Variants in HECW1 observed in about 807,000 individuals in gnomAD.
The protein encoded by HECW1 is E3 ubiquitin-protein ligase HECW1.
In HECW1, 61 loss-of-function variants were observed where a neutral mutation model predicts 182.3. That is an observed-to-expected ratio of 0.33 (90% CI 0.27 to 0.41). The LOEUF is 0.41. Ranked by LOEUF, HECW1 falls within the 10% of genes least tolerant of loss-of-function variation. HECW1 has a pLI of 1.00. For missense variants in HECW1, 1,739 were observed against 2,108.9 expected (o/e 0.82, Z 3.44); for synonymous variants, 859 against 832.6 (o/e 1.03, Z -0.55).
intron 8 of HECW1, among the ~76,000 whole-genome samples, chr7:43,419,940 G>T (rs149318980): frequency 0.013 from 1,913 of 152,262 alleles, 43 homozygotes; most frequent in African/African-American, 0.043. Context: ...TTCTGTATTT[G>T]TCCCGATTGG....
chr7:43,247,338 C>T (rs972209526), intron 3 of HECW1, among the ~76,000 whole-genome samples: 3 of 152,174 alleles, frequency 2.0e-5, no homozygotes, highest in African/African-American at 7.2e-5. Context: ...GGGATCATAA[C>T]AACTTCTCAT....
At chr7:43,419,565 A>G (rs1306758346) in intron 8 of HECW1, among the ~76,000 whole-genome samples, 1 of 152,226 alleles carries the variant, frequency 6.6e-6, no homozygotes, top group African/African-American at 2.4e-5. Flanking sequence ...ACATAAAAAT[A>G]AATTAATGTA....
chr7:43,231,409 A>ACCATTAAAATCATGTT (rs1421356443), intron 2 of HECW1, among the ~76,000 whole-genome samples: 2 of 152,338 alleles, frequency 1.3e-5, no homozygotes, highest in African/African-American at 4.8e-5. Context: ...TCAGTGTGCT[A>ACCATTAAAATCATGTT]CCATTAAAAT....
chr7:43,140,549 A>G (rs1788050083), intron 2 of HECW1, among the ~76,000 whole-genome samples: 1 of 152,176 alleles, frequency 6.6e-6, no homozygotes, highest in African/African-American at 2.4e-5. Context: ...TCCCTCATTT[A>G]TCTTCTTTTG....
intron 2 of HECW1, among the ~76,000 whole-genome samples, chr7:43,140,201 C>T (rs955488427): frequency 2.0e-5 from 3 of 151,390 alleles, no homozygotes; most frequent in Non-Finnish European, 4.4e-5. Flanking sequence ...ATCTATATTT[C>T]TCCTCATTAA....
chr7:43,226,020 G>A (rs974940841), intron 2 of HECW1, among the ~76,000 whole-genome samples: 9 of 151,988 alleles, frequency 5.9e-5, no homozygotes, highest in East Asian at 3.9e-4. Flanking sequence ...CAATCCTCCC[G>A]CTTTGGCCTC....
intron 3 of HECW1, among the ~76,000 whole-genome samples, chr7:43,296,509 GCGCAGCTGTGGACGCAGCTGCGGAAGC>G (rs890395491): frequency 2.6e-5 from 4 of 152,118 alleles, no homozygotes; most frequent in African/African-American, 9.7e-5. Flanking sequence ...GAACTTGGCG[GCGCAGCTGTGGACGCAGCTGCGGAAGC>G]CTCAAGTTGA....
chr7:43,177,277 G>A (rs1448838670), intron 2 of HECW1, among the ~76,000 whole-genome samples: 1 of 152,154 alleles, frequency 6.6e-6, no homozygotes, highest in Non-Finnish European at 1.5e-5. Context: ...GTAGGAACAA[G>A]TCCCAGCACT....
intron 3 of HECW1, among the ~76,000 whole-genome samples, chr7:43,289,475 CTT>C (rs753858406): frequency 4.6e-5 from 7 of 152,182 alleles, no homozygotes; most frequent in Non-Finnish European, 8.8e-5. Context: ...GTTCCAGACT[CTT>C]TATGAGACCT....
intron 6 of HECW1, among the ~76,000 whole-genome samples, chr7:43,378,433 G>A (rs1026364027): frequency 4.2e-4 from 64 of 152,210 alleles, no homozygotes; most frequent in African/African-American, 1.4e-3. Flanking sequence ...GTTTATGAGC[G>A]GAGCTCTCTC....
intron 27 of HECW1, among the ~76,000 whole-genome samples, chr7:43,551,978 C>A (rs201987920): frequency 2.7e-5 from 4 of 149,622 alleles, no homozygotes; most frequent in Admixed American, 2.0e-4. Flanking sequence ...AGCACCCCCC[C>A]AAAGGCCCCA....
At chr7:43,518,157 A>C (rs1304379447) in intron 24 of HECW1, among the ~76,000 whole-genome samples, 1 of 152,148 alleles carries the variant, frequency 6.6e-6, no homozygotes, top group Non-Finnish European at 1.5e-5. Flanking sequence ...AGTGGTAGAG[A>C]CCTTTTTAGA....
chr7:43,221,709 A>C (rs951236199), intron 2 of HECW1, among the ~76,000 whole-genome samples: 1 of 150,938 alleles, frequency 6.6e-6, no homozygotes, highest in African/African-American at 2.4e-5. Flanking sequence ...GCCCACCACC[A>C]CGCCCGGCTA....
intron 24 of HECW1, among the ~76,000 whole-genome samples, chr7:43,523,591 A>G (rs573986998): frequency 6.6e-6 from 1 of 152,240 alleles, no homozygotes; most frequent in African/African-American, 2.4e-5. Flanking sequence ...GTGAGCAGAG[A>G]TCTCGCCATT....
intron 19 of HECW1, among the ~76,000 whole-genome samples, chr7:43,494,289 T>A (rs577263444): frequency 6.6e-6 from 1 of 152,180 alleles, no homozygotes; most frequent in South Asian, 2.1e-4. Context: ...CACCTCCTCA[T>A]ACTCTCTCCT....
intron 3 of HECW1, among the ~76,000 whole-genome samples, chr7:43,286,554 A>G (rs1265412102): frequency 6.6e-6 from 1 of 152,204 alleles, no homozygotes. Flanking sequence ...GTGCTGGCAA[A>G]TGATAAGCTC....
intron 4 of HECW1, among the ~76,000 whole-genome samples, chr7:43,314,874 A>C (rs187656452): frequency 6.6e-6 from 1 of 152,276 alleles, no homozygotes; most frequent in East Asian, 1.9e-4. Context: ...AAATGTAGAG[A>C]TGGTGATTTC....
intron 12 of HECW1, among the ~76,000 whole-genome samples, chr7:43,451,839 A>G (rs1420299413): frequency 6.6e-6 from 1 of 152,200 alleles, no homozygotes; most frequent in East Asian, 1.9e-4. Context: ...TTTTACAACT[A>G]CGAAATCTTT....
chr7:43,224,154 A>G (rs1776978457), intron 2 of HECW1, among the ~76,000 whole-genome samples: 1 of 152,230 alleles, frequency 6.6e-6, no homozygotes, highest in African/African-American at 2.4e-5. Context: ...GTCTTCTGTC[A>G]TCTAGAAAAG....
Sources: allele counts gnomAD v4.1 joint callset (sites outside exome capture counted in the v4.1 genomes callset), GRCh38; gene constraint gnomAD v4.1.1; transcripts MANE v1.5; gene names NCBI Gene and HGNC (gene_info 2026-07-23, HGNC 2026-07-21).